Variants in EPHA6 observed in about 807,000 individuals in gnomAD.
The protein encoded by EPHA6 is ephrin type-A receptor 6.
In EPHA6, 50 loss-of-function variants were observed where a neutral mutation model predicts 112.0. The observed-to-expected ratio is 0.45, with a 90% CI of 0.36 to 0.56. EPHA6 has a LOEUF of 0.56. EPHA6 is among the 20% of genes least tolerant of loss of function. EPHA6 has a pLI of 0.00. For missense variants in EPHA6, 1,280 were observed against 1,417.4 expected, an observed-to-expected ratio of 0.90 and a Z score of 1.56; for synonymous variants, 529 against 490.7, an observed-to-expected ratio of 1.08 and a Z score of -1.03.
intron 14 of EPHA6, among the ~76,000 whole-genome samples, chr3:97,677,281 A>G (rs1169137434): frequency 6.6e-6 from 1 of 152,170 alleles, no homozygotes; most frequent in African/African-American, 2.4e-5. Flanking sequence ...TAATATTTAA[A>G]TATATCATAT....
chr3:97,160,692 C>T (rs1011830903), intron 3 of EPHA6, among the ~76,000 whole-genome samples: 49 of 152,144 alleles, frequency 3.2e-4, no homozygotes, highest in African/African-American at 1.1e-3. Context: ...ATCATCTAGC[C>T]ATCATTGGCT....
intron 5 of EPHA6, among the ~76,000 whole-genome samples, chr3:97,386,708 C>T (rs1598915): frequency 0.72 from 109,038 of 152,148 alleles, 44,722 homozygotes; most frequent in Non-Finnish European, 0.92. Flanking sequence ...CACAGCTCCA[C>T]TATACACTGT....
intron 6 of EPHA6, among the ~76,000 whole-genome samples, chr3:97,448,147 C>A (rs915038895): frequency 2.0e-5 from 3 of 152,142 alleles, no homozygotes; most frequent in Non-Finnish European, 4.4e-5. Context: ...ATAGCGCCGG[C>A]ATTTTGGCAC....
At chr3:97,746,080 A>C (rs531484064) in intron 16 of EPHA6, among the ~76,000 whole-genome samples, 2 of 151,998 alleles carry the variant, frequency 1.3e-5, no homozygotes, top group South Asian at 4.1e-4. Context: ...CGAAATATGA[A>C]CATTAAAATC....
chr3:96,918,084 C>T lies in EPHA6; in HGVS notation c.450+51195C>T, dbSNP rs529467205. On this transcript the variant is annotated intron_variant, in intron 2 of 17. Transcript: ENST00000389672. ...TAGCACCCTCCCTCTACCCCCATCCCACCTTTACAATCATGATGAACTAAA... is the reference window on the plus strand; with the variant it reads ...TAGCACCCTCCCTCTACCCCCATCCTACCTTTACAATCATGATGAACTAAA... 1.4e-4 allele frequency among the ~76,000 whole-genome samples: 22 copies of T among 152,228 alleles called. 1 individual carries two copies. In the South Asian group the frequency reaches 4.6e-3, roughly 32 times the overall value.
chr3:97,435,923 GTTTAAT>G (rs1393081057), intron 6 of EPHA6, among the ~76,000 whole-genome samples: 1 of 152,232 alleles, frequency 6.6e-6, no homozygotes, highest in African/African-American at 2.4e-5. Flanking sequence ...ACATTCAAAT[GTTTAAT>G]TTTAAACACC....
At chr3:97,299,806 G>A (rs2081020877) in intron 5 of EPHA6, among the ~76,000 whole-genome samples, 1 of 152,144 alleles carries the variant, frequency 6.6e-6, no homozygotes, top group Admixed American at 6.6e-5. Context: ...GATAAAAATT[G>A]TAAATTAACT....
intron 2 of EPHA6, among the ~76,000 whole-genome samples, chr3:96,868,365 C>G (rs2036446447): frequency 6.6e-6 from 1 of 151,694 alleles, no homozygotes; most frequent in Non-Finnish European, 1.5e-5. Context: ...AAATAAGGAA[C>G]TATTCAGTAA....
chr3:96,915,595 ACAGTATCTTC>A (rs2039443179), intron 2 of EPHA6, among the ~76,000 whole-genome samples: 1 of 152,122 alleles, frequency 6.6e-6, no homozygotes. Context: ...AAAGTGTAGG[ACAGTATCTTC>A]CATAACATCA....
rs572617269 is a variant in EPHA6, at chr3:97,682,953, C to G, written c.2785-37308C>G. Among the ~76,000 whole-genome samples, 7 of 152,218 alleles carry G rather than the reference C, an allele frequency of 4.6e-5. No individual in the cohort carries two copies. The South Asian group carries it at 1.5e-3, about 32-fold the overall frequency. On this transcript the variant is annotated intron_variant, in intron 14 of 17. Coordinates refer to ENST00000389672, the MANE Select transcript of EPHA6 (RefSeq NM_001080448.3). ...ACAAATGTCAGTAATTTGCTGTAAC[C>G]TGACTACAGCTTAATAACAAATACC...
intron 5 of EPHA6, among the ~76,000 whole-genome samples, chr3:97,347,781 G>C (rs1000566000): frequency 6.6e-6 from 1 of 151,958 alleles, no homozygotes; most frequent in African/African-American, 2.4e-5. Flanking sequence ...CAACTGAAAG[G>C]ACTCTTTCCA....
At chr3:97,494,041 AAT>A (rs750257761) in intron 10 of EPHA6, among the ~76,000 whole-genome samples, 1 of 152,222 alleles carries the variant, frequency 6.6e-6, no homozygotes, top group Non-Finnish European at 1.5e-5. Flanking sequence ...TTCAATGTGC[AAT>A]TGAAGCCTAA....
intron 14 of EPHA6, among the ~76,000 whole-genome samples, chr3:97,649,365 G>C (rs2094091011): frequency 6.6e-6 from 1 of 152,044 alleles, no homozygotes; most frequent in South Asian, 2.1e-4. Flanking sequence ...CCCCACCCTT[G>C]ACACGTGGGG....
At chr3:97,011,327 C>T (rs1181590187) in intron 3 of EPHA6, among the ~76,000 whole-genome samples, 1 of 152,146 alleles carries the variant, frequency 6.6e-6, no homozygotes, top group African/African-American at 2.4e-5. Context: ...CAGTAGAGGT[C>T]AGGTTAGGGA....
intron 3 of EPHA6, among the ~76,000 whole-genome samples, chr3:97,074,542 T>C (rs1265429030): frequency 1.3e-5 from 2 of 152,028 alleles, no homozygotes; most frequent in African/African-American, 4.8e-5. Context: ...GATATTTTTG[T>C]TCTTTTCTGT....
intron 14 of EPHA6, among the ~76,000 whole-genome samples, chr3:97,716,693 T>A (rs2034255416): frequency 6.6e-6 from 1 of 152,148 alleles, no homozygotes; most frequent in South Asian, 2.1e-4. Flanking sequence ...CATCTTGCAA[T>A]TAGATATAAA....
chr3:97,169,036 G>C (rs952100555), intron 3 of EPHA6, among the ~76,000 whole-genome samples: 1 of 152,080 alleles, frequency 6.6e-6, no homozygotes, highest in Non-Finnish European at 1.5e-5. Flanking sequence ...ATCTTACATT[G>C]GTGTAGGATT....
intron 1 of EPHA6, among the ~76,000 whole-genome samples, chr3:96,836,377 T>C (rs2034412461): frequency 6.6e-6 from 1 of 152,092 alleles, no homozygotes. Flanking sequence ...TGGGCAGATA[T>C]TTTAATCTCT....
At position 97,755,308 on chromosome 3, in the gene EPHA6, G is replaced by A. The variant is rs982227267; in HGVS notation, c.*6607G>A. 1.3e-5 allele frequency among the ~76,000 whole-genome samples: 2 copies of A among 152,194 alleles called. No individual in the cohort carries two copies. Among genetic ancestry groups the A allele is most frequent in the Non-Finnish European group, 2.9e-5 (2 of 68,022 alleles). On this transcript the variant is annotated 3_prime_UTR_variant, in exon 18 of 18. Transcript: ENST00000389672. ...TAACAACACAATCTTCTCAGGAGTT[G>A]TAAACTAGAAAAGTATCAGAATTAG...
Sources: gnomAD v4.1 joint callset for allele counts (sites outside exome capture counted in the v4.1 genomes callset) on GRCh38, gnomAD v4.1.1 for gene constraint, MANE v1.5 for transcripts, NCBI Gene and HGNC (gene_info 2026-07-23, HGNC 2026-07-21) for gene names.